The following MYO16 variants were observed in gnomAD, a reference collection of about 807,000 sequenced individuals.
The protein encoded by MYO16 is unconventional myosin-XVI.
MYO16 carries 94 observed loss-of-function variants against 205.3 expected under a neutral mutation model. The ratio of observed to expected loss-of-function variants is 0.46; its 90% CI spans 0.39 to 0.54. The LOEUF (loss-of-function observed/expected upper bound fraction) is 0.54, where lower values mean the gene tolerates loss of function less well. Among genes scored for constraint, MYO16 ranks in the 20% least tolerant of loss-of-function variants. The pLI is 0.00. For synonymous variants in MYO16, 988 were observed against 954.0 expected, an observed-to-expected ratio of 1.04 and a Z score of -0.66; for missense variants, 2,315 against 2,387.5, an observed-to-expected ratio of 0.97 and a Z score of 0.63.
intron 2 of MYO16, among the ~76,000 whole-genome samples, chr13:108,684,090 G>A (rs1594206777): frequency 1.3e-5 from 2 of 152,144 alleles, no homozygotes; most frequent in East Asian, 3.9e-4. Flanking sequence ...TGGCCAAGAT[G>A]GCCTCGATCT....
At chr13:108,877,009 C>G (rs546475028) in intron 12 of MYO16, among the ~76,000 whole-genome samples, 1 of 152,134 alleles carries the variant, frequency 6.6e-6, no homozygotes, top group African/African-American at 2.4e-5. Flanking sequence ...TCAGCCCTCA[C>G]GCTTTCAAAA....
At chr13:108,587,309 T>A in the MYO16 span, among the ~76,000 whole-genome samples, 4 of 152,206 alleles carry the variant, frequency 2.6e-5, no homozygotes, top group South Asian at 2.1e-4. Context: ...CTGAGTGGAC[T>A]GCTGGCTTTC....
rs780035126 is a variant in MYO16 at position 109,052,286 on chromosome 13, T to TC, written c.2873-14_2873-13insC. The TC allele has an allele frequency of 2.2e-5, 36 of 1,606,728 alleles. No individual in the cohort carries two copies. Among genetic ancestry groups the TC allele is most frequent in the Non-Finnish European group, 3.0e-5 (35 of 1,174,112 alleles). On this transcript the variant is annotated splice_polypyrimidine_tract_variant and intron_variant, in intron 24 of 34. Coordinates refer to ENST00000457511, the MANE Select transcript of MYO16 (RefSeq NM_001198950.3). The stretch of plus-strand genomic sequence containing the variant: ...TTTAGTGCCACTTACGATATTCATT[T>TC]ATTTATTTCCTAGCTAGTGAAAATG...
intron 27 of MYO16, among the ~76,000 whole-genome samples, chr13:109,063,842 G>A (rs761247759): frequency 6.6e-6 from 1 of 152,112 alleles, no homozygotes; most frequent in Non-Finnish European, 1.5e-5. Flanking sequence ...CAAAGATTTT[G>A]AGGCATCGTA....
chr13:108,712,784 C>A, intron 3 of MYO16, 53 bp downstream of exon 3: 1 of 1,425,732 alleles, frequency 7.0e-7, no homozygotes, highest in Non-Finnish European at 9.6e-7. Flanking sequence ...GGGGAGAGTA[C>A]ATTACAGGTT....
At chr13:109,180,384 T>C (rs192562713) in intron 34 of MYO16, among the ~76,000 whole-genome samples, 61 of 152,348 alleles carry the variant, frequency 4.0e-4, no homozygotes, top group Admixed American at 9.8e-4. Flanking sequence ...TAATGTTGCA[T>C]TCAAGGTGAT....
intron 3 of MYO16, among the ~76,000 whole-genome samples, chr13:108,725,056 C>A (rs1401243290): frequency 6.6e-6 from 1 of 152,012 alleles, no homozygotes; most frequent in Non-Finnish European, 1.5e-5. Context: ...GGATTTCATT[C>A]ATCTTTTCTT....
At position 109,186,343 on chromosome 13, in the gene MYO16, G is replaced by A. The variant is rs973677165; in HGVS notation, c.5415+6710G>A. ...CTGAAGGGCAGGTGTCACACGACCT[G>A]CTGCTGCTGGCCCTAGGGTGCTGTG... On this transcript the variant is annotated intron_variant, in intron 34 of 34. Transcript: ENST00000457511. 2.0e-5 allele frequency among the ~76,000 whole-genome samples: 3 copies of A among 152,278 alleles called. No individual in the cohort carries two copies. In the South Asian group the frequency reaches 6.2e-4, roughly 32 times the overall value.
At chr13:108,709,461 A>G (rs191765237) in intron 2 of MYO16, among the ~76,000 whole-genome samples, 1 of 78,440 alleles carries the variant, frequency 1.3e-5, no homozygotes, top group East Asian at 3.6e-4. Context: ...CTACAGCTTC[A>G]GGGAACCACG....
chr13:108,696,948 A>G (rs80193166), intron 2 of MYO16, among the ~76,000 whole-genome samples: 6,216 of 148,102 alleles, frequency 0.042, 180 homozygotes, highest in South Asian at 0.13. Flanking sequence ...ACTTTGCTCT[A>G]TTTTTAACTC....
At chr13:109,084,035 A>G (rs1416867756) in intron 27 of MYO16, among the ~76,000 whole-genome samples, 1 of 152,242 alleles carries the variant, frequency 6.6e-6, no homozygotes, top group Non-Finnish European at 1.5e-5. Flanking sequence ...TAATCCACTC[A>G]GCAGTTCCTG....
intron 1 of MYO16, among the ~76,000 whole-genome samples, chr13:108,605,518 T>G (rs1878922566): frequency 6.6e-6 from 1 of 152,148 alleles, no homozygotes; most frequent in Admixed American, 6.5e-5. Flanking sequence ...GCTGTTCTCA[T>G]GATAGTGGGT....
chr13:108,938,544 A>G (rs867016937), intron 16 of MYO16, among the ~76,000 whole-genome samples: 1 of 152,206 alleles, frequency 6.6e-6, no homozygotes, highest in Admixed American at 6.5e-5. Context: ...CTAGCCCCCA[A>G]GTTCTCTGCA....
chr13:109,036,434 A>G (rs966554332), intron 23 of MYO16, among the ~76,000 whole-genome samples: 2 of 152,064 alleles, frequency 1.3e-5, no homozygotes, highest in African/African-American at 2.4e-5. Context: ...TTTTTCATAT[A>G]TAGATGACAT....
chr13:108,933,788 A>G (rs1882364678), intron 16 of MYO16, among the ~76,000 whole-genome samples: 1 of 151,958 alleles, frequency 6.6e-6, no homozygotes, highest in African/African-American at 2.4e-5. Flanking sequence ...AGTGTCTACC[A>G]TTGCCATTTT....
intron 34 of MYO16, among the ~76,000 whole-genome samples, chr13:109,202,831 G>T (rs984627196): frequency 6.6e-6 from 1 of 152,064 alleles, no homozygotes; most frequent in African/African-American, 2.4e-5. Flanking sequence ...AAACAACATG[G>T]TGCTAGTATA....
chr13:108,801,683 C>T (rs1277780577), intron 6 of MYO16, among the ~76,000 whole-genome samples: 1 of 152,182 alleles, frequency 6.6e-6, no homozygotes, highest in Non-Finnish European at 1.5e-5. Flanking sequence ...AAGCCTCCAT[C>T]ACTTCCAAGC....
At chr13:108,904,582 C>G (rs1880869614) in intron 15 of MYO16, among the ~76,000 whole-genome samples, 1 of 151,972 alleles carries the variant, frequency 6.6e-6, no homozygotes, top group Admixed American at 6.6e-5. Context: ...AGTTTTGGTC[C>G]TGAAAATATG....
At chr13:108,773,100 G>A (rs1223961941) in intron 4 of MYO16, among the ~76,000 whole-genome samples, 2 of 152,108 alleles carry the variant, frequency 1.3e-5, no homozygotes, top group Non-Finnish European at 2.9e-5. Context: ...GAAAAGGCGA[G>A]GGAGCCGTTT....
Sources: allele counts gnomAD v4.1 joint callset (sites outside exome capture counted in the v4.1 genomes callset), GRCh38; gene constraint gnomAD v4.1.1; transcripts MANE v1.5; gene names NCBI Gene and HGNC (gene_info 2026-07-23, HGNC 2026-07-21).